The following HSD17B12 variants were observed in gnomAD, a reference collection of about 807,000 sequenced individuals.
The protein encoded by HSD17B12 is hydroxysteroid 17-beta dehydrogenase 12.
HSD17B12 carries 32 observed loss-of-function variants against 39.3 expected under a neutral mutation model. That is an observed-to-expected ratio of 0.81 (90% confidence interval 0.61 to 1.09). The LOEUF (loss-of-function observed/expected upper bound fraction) is 1.09, where lower values mean the gene tolerates loss of function less well. HSD17B12 is among the 50% of genes least tolerant of loss of function. The pLI, the probability that HSD17B12 is intolerant of heterozygous loss-of-function variation, is 0.00. For missense variants in HSD17B12, 342 were observed against 382.9 expected (o/e 0.89, Z 0.89); for synonymous variants, 150 against 146.7 (o/e 1.02, Z -0.16).
At chr11:43,578,531 C>T in the HSD17B12 span, among the ~76,000 whole-genome samples, 7 of 152,222 alleles carry the variant, frequency 4.6e-5, no homozygotes, top group Non-Finnish European at 1.0e-4. Context: ...TTTGTCTTGA[C>T]AATTCAGTTC....
At chr11:43,616,557 T>G in the HSD17B12 span, among the ~76,000 whole-genome samples, 2 of 151,926 alleles carry the variant, frequency 1.3e-5, no homozygotes, top group Admixed American at 1.3e-4. Flanking sequence ...GCTTCACATA[T>G]TTTAATTTAT....
At chr11:43,649,900 G>A in the HSD17B12 span, among the ~76,000 whole-genome samples, 1 of 152,188 alleles carries the variant, frequency 6.6e-6, no homozygotes, top group African/African-American at 2.4e-5. Flanking sequence ...AAGTGAAGAA[G>A]CCCTGGAGGA....
At chr11:43,809,316 G>T (rs138043069) in intron 4 of HSD17B12, among the ~76,000 whole-genome samples, 341 of 152,252 alleles carry the variant, frequency 2.2e-3, no homozygotes, top group Non-Finnish European at 4.2e-3. Context: ...GGACAATGAG[G>T]CAATCACTAG....
the HSD17B12 span, among the ~76,000 whole-genome samples, chr11:43,604,332 G>A: frequency 6.6e-6 from 1 of 152,118 alleles, no homozygotes; most frequent in Non-Finnish European, 1.5e-5. Flanking sequence ...AGTTAAGCTA[G>A]ATATTCTTTA....
At chr11:43,798,107 C>T (rs1041278966) in intron 3 of HSD17B12, among the ~76,000 whole-genome samples, 7 of 152,082 alleles carry the variant, frequency 4.6e-5, no homozygotes, top group African/African-American at 1.2e-4. Context: ...CTCTCTGTGA[C>T]GACATTAGAA....
At position 43,785,496 on chromosome 11, in the gene HSD17B12, G is replaced by A. The variant is rs143787176; in HGVS notation, c.284-12824G>A. Among the ~76,000 whole-genome samples, 24 of 152,238 alleles carry A rather than the reference G, an allele frequency of 1.6e-4. No homozygotes were observed. In the East Asian group the frequency reaches 3.3e-3, roughly 21 times the overall value. On this transcript the variant is annotated intron_variant, in intron 3 of 10. Transcript: ENST00000278353. ...GCTTCCAGGATGTGACTAGAGCAGA[G>A]CTTGCTCTAGTCCAAACAGTTTAGT...
chr11:43,599,394 C>T, the HSD17B12 span, among the ~76,000 whole-genome samples: 4 of 152,236 alleles, frequency 2.6e-5, no homozygotes, highest in African/African-American at 9.6e-5. Flanking sequence ...ACCCTTCTCC[C>T]CAAATCCATG....
chr11:43,851,838 T>A (rs546022132), intron 9 of HSD17B12, among the ~76,000 whole-genome samples: 1 of 152,330 alleles, frequency 6.6e-6, no homozygotes, highest in East Asian at 1.9e-4. Flanking sequence ...TGTACCGTTT[T>A]GCCTCCCTCC....
At chr11:43,751,953 T>G (rs1950468735) in intron 2 of HSD17B12, among the ~76,000 whole-genome samples, 1 of 152,202 alleles carries the variant, frequency 6.6e-6, no homozygotes, top group African/African-American at 2.4e-5. Context: ...TATGCAGGTT[T>G]CCGGTTGCCC....
chr11:43,652,879 G>C, the HSD17B12 span, among the ~76,000 whole-genome samples: 2 of 152,060 alleles, frequency 1.3e-5, no homozygotes, highest in Non-Finnish European at 2.9e-5. Context: ...TGGATAAAAA[G>C]AGTATGATCT....
chr11:43,661,621 T>G, the HSD17B12 span, among the ~76,000 whole-genome samples: 1 of 152,116 alleles, frequency 6.6e-6, no homozygotes, highest in Non-Finnish European at 1.5e-5. Flanking sequence ...AAGATCTGCC[T>G]AGACAACATA....
the HSD17B12 span, among the ~76,000 whole-genome samples, chr11:43,597,321 C>A: frequency 6.6e-6 from 1 of 152,066 alleles, no homozygotes; most frequent in Non-Finnish European, 1.5e-5. Context: ...GTGGTGGGTG[C>A]ATGGTATATT....
At chr11:43,839,252 T>TACC (rs1365187207) in intron 8 of HSD17B12, among the ~76,000 whole-genome samples, 1 of 152,146 alleles carries the variant, frequency 6.6e-6, no homozygotes, top group Admixed American at 6.6e-5. Flanking sequence ...AAAAGCTTGG[T>TACC]ACCACCTCCC....
the HSD17B12 span, among the ~76,000 whole-genome samples, chr11:43,655,721 A>G: frequency 6.6e-6 from 1 of 152,104 alleles, no homozygotes; most frequent in Non-Finnish European, 1.5e-5. Context: ...TGATTTTCGT[A>G]TGTTGAACCA....
At chr11:43,607,510 C>G in the HSD17B12 span, among the ~76,000 whole-genome samples, 1 of 152,292 alleles carries the variant, frequency 6.6e-6, no homozygotes, top group Non-Finnish European at 1.5e-5. Flanking sequence ...TTAGCAGACA[C>G]TCACTATTTT....
In HSD17B12 at chr11:43,792,791, G is replaced by T. The variant is rs1279157892; in HGVS notation, c.284-5529G>T. On this transcript the variant is annotated intron_variant, in intron 3 of 10. Transcript: ENST00000278353. ...TCTTGCTTCAGCCTCCAGAGTAGGT[G>T]GTACTACAGGCGTGCACCACCACAC... 2.7e-5 allele frequency among the ~76,000 whole-genome samples: 4 copies of T among 149,772 alleles called. No homozygotes were observed. In the East Asian group the frequency reaches 7.8e-4, roughly 29 times the overall value.
chr11:43,596,453 G>A, the HSD17B12 span, among the ~76,000 whole-genome samples: 5 of 151,962 alleles, frequency 3.3e-5, no homozygotes, highest in Admixed American at 2.0e-4. Context: ...TTGCTTTTGA[G>A]ACAGGGTCTC....
intron 6 of HSD17B12, among the ~76,000 whole-genome samples, chr11:43,829,243 G>C (rs892351143): frequency 6.6e-6 from 1 of 152,106 alleles, no homozygotes; most frequent in Admixed American, 6.6e-5. Flanking sequence ...AAATATTTCT[G>C]GCCTTTAATA....
intron 3 of HSD17B12, among the ~76,000 whole-genome samples, chr11:43,771,819 A>G (rs4755211): frequency 1 from 152,210 of 152,210 alleles, 76,105 homozygotes; most frequent in Non-Finnish European, 1. Flanking sequence ...GTTTCTTTCA[A>G]GATCTTTGGT....
Sources: gnomAD v4.1 joint callset for allele counts (sites outside exome capture counted in the v4.1 genomes callset) on GRCh38, gnomAD v4.1.1 for gene constraint, MANE v1.5 for transcripts, NCBI Gene and HGNC (gene_info 2026-07-23, HGNC 2026-07-21) for gene names.